Variants in KIAA2012 observed in about 807,000 individuals in gnomAD.
KIAA2012 encodes the protein KIAA2012.
A neutral mutation model predicts 150.6 loss-of-function variants in KIAA2012; 125 were observed. The ratio of observed to expected loss-of-function variants is 0.83; its 90% CI spans 0.72 to 0.96. The LOEUF (loss-of-function observed/expected upper bound fraction) is 0.96, where lower values mean the gene tolerates loss of function less well. KIAA2012 is among the 40% of genes least tolerant of loss of function. The pLI, the probability that KIAA2012 is intolerant of heterozygous loss-of-function variation, is 0.00. For missense variants in KIAA2012, 1,219 were observed against 1,354.9 expected (o/e 0.90, Z 1.57); for synonymous variants, 462 against 504.7 (o/e 0.92, Z 1.13).
intron 4 of KIAA2012, among the ~76,000 whole-genome samples, chr2:202,094,692 T>G (rs1365774573): frequency 6.6e-6 from 1 of 152,054 alleles, no homozygotes; most frequent in Non-Finnish European, 1.5e-5. Flanking sequence ...CTAATTTTTG[T>G]ATTTTTTGTA....
At chr2:202,083,932 G>A (rs1437458763) in intron 2 of KIAA2012, among the ~76,000 whole-genome samples, 9 of 152,158 alleles carry the variant, frequency 5.9e-5, no homozygotes, top group Admixed American at 2.6e-4. Flanking sequence ...AATCTAGAGT[G>A]GCTTCTTGGA....
At chr2:202,135,121 A>T (rs1691033796) in intron 12 of KIAA2012, among the ~76,000 whole-genome samples, 1 of 152,228 alleles carries the variant, frequency 6.6e-6, no homozygotes, top group Non-Finnish European at 1.5e-5. Flanking sequence ...CCTCACTAAA[A>T]GCCTGTGGTT....
chr2:202,130,856 G>A (rs188778485), intron 12 of KIAA2012, among the ~76,000 whole-genome samples: 2,163 of 152,220 alleles, frequency 0.014, 23 homozygotes, highest in Middle Eastern at 0.034. Flanking sequence ...GGCAGAGGTT[G>A]CAGTGAGCCA....
chr2:202,103,177 T>C, intron 8 of KIAA2012, 63 bp downstream of exon 8: 1 of 1,446,816 alleles, frequency 6.9e-7, no homozygotes, highest in Non-Finnish European at 9.3e-7. Context: ...CTGCCACTTC[T>C]ACATGCTCCT....
At chr2:202,137,201 G>T (rs544632307) in intron 12 of KIAA2012, 1 of 152,168 alleles carries the variant, frequency 6.6e-6, no homozygotes, top group South Asian at 2.1e-4. Context: ...AGTATGGAAA[G>T]AACTTTTTGT....
intron 15 of KIAA2012, among the ~76,000 whole-genome samples, chr2:202,169,559 C>T (rs1321707423): frequency 1.3e-5 from 2 of 152,200 alleles, no homozygotes; most frequent in Non-Finnish European, 2.9e-5. Context: ...CCCTCATTAA[C>T]CTGATAAGGC....
In KIAA2012 at chr2:202,196,940, G is replaced by A. The variant is rs1692426506; in HGVS notation, c.3328G>A (p.Glu1110Lys). The change falls in exon 22 of 24, where the codon GAG (glutamate) becomes AAG (lysine). Residue 1110 changes from glutamate (E) to lysine (K), a missense_variant. Transcript: ENST00000498697. ...AGAAGAGAAGGCTCGGCTGGAGGCA[G>A]AGGAGAGGAGGCAAAAAGAAGAGGA... ...EAEEKARLEA[E>K]ERRQKEEEAA... 1 of 1,550,678 alleles carries A rather than the reference G, an allele frequency of 6.4e-7. No individual in the cohort carries two copies. Among genetic ancestry groups the A allele is most frequent in the South Asian group, 1.2e-5 (1 of 84,056 alleles).
At chr2:202,081,608 C>T (rs1160874607) in intron 2 of KIAA2012, among the ~76,000 whole-genome samples, 4 of 146,898 alleles carry the variant, frequency 2.7e-5, no homozygotes, top group Non-Finnish European at 5.9e-5. Flanking sequence ...AGTGCAATGG[C>T]GCGATCTCAG....
intron 11 of KIAA2012, among the ~76,000 whole-genome samples, chr2:202,120,698 C>CT (rs773647005): frequency 3.9e-5 from 6 of 152,192 alleles, no homozygotes; most frequent in Admixed American, 6.5e-5. Context: ...TCCCTCACAT[C>CT]TTTTATCCTT....
At chr2:202,078,692 T>C (rs1689378946) in intron 2 of KIAA2012, among the ~76,000 whole-genome samples, 3 of 152,212 alleles carry the variant, frequency 2.0e-5, no homozygotes. Context: ...TTGCCACTAT[T>C]CTAAGTGCTT....
intron 13 of KIAA2012, among the ~76,000 whole-genome samples, chr2:202,146,065 C>T (rs1331104591): frequency 1.3e-5 from 2 of 152,178 alleles, no homozygotes; most frequent in Non-Finnish European, 2.9e-5. Context: ...CTCATCCTTA[C>T]AACATCCCCA....
At chr2:202,192,009 T>C (rs1159857213) in intron 19 of KIAA2012, among the ~76,000 whole-genome samples, 1 of 152,238 alleles carries the variant, frequency 6.6e-6, no homozygotes, top group Non-Finnish European at 1.5e-5. Flanking sequence ...TATTTACTTA[T>C]TTTATGGCTC....
At chr2:202,125,497 G>C (rs1690760860) in intron 12 of KIAA2012, among the ~76,000 whole-genome samples, 1 of 152,174 alleles carries the variant, frequency 6.6e-6, no homozygotes, top group Non-Finnish European at 1.5e-5. Flanking sequence ...ATATTAGTGA[G>C]GAAGAGACGT....
At chr2:202,154,216 T>G (rs907916623) in intron 13 of KIAA2012, among the ~76,000 whole-genome samples, 6 of 152,266 alleles carry the variant, frequency 3.9e-5, no homozygotes, top group African/African-American at 1.4e-4. Flanking sequence ...CCATATTTGC[T>G]GCAAAGCAGA....
In KIAA2012 at chr2:202,194,938, T is replaced by G. The variant is rs185724986; in HGVS notation, c.3187+576T>G. Among the ~76,000 whole-genome samples, 3 of 151,916 alleles carry G rather than the reference T, an allele frequency of 2.0e-5. No homozygotes were observed. In the East Asian group the frequency reaches 5.9e-4, roughly 30 times the overall value. On this transcript the variant is annotated intron_variant, in intron 21 of 23. Coordinates refer to ENST00000498697, the MANE Select transcript of KIAA2012 (RefSeq NM_001277372.4). Reference sequence around the variant, plus strand: ...CGCCCGCCACCATGCACAGATAATTTTTTGTATTTTTAGTAAAGATGGGGT... The same window carrying G: ...CGCCCGCCACCATGCACAGATAATTGTTTGTATTTTTAGTAAAGATGGGGT...
chr2:202,148,151 T>A (rs1262228174), intron 13 of KIAA2012, among the ~76,000 whole-genome samples: 1 of 152,224 alleles, frequency 6.6e-6, no homozygotes, highest in Non-Finnish European at 1.5e-5. Flanking sequence ...GTCCAGAGTT[T>A]CATTCAGAAT....
chr2:202,091,786 A>G (rs1026302908), intron 3 of KIAA2012, among the ~76,000 whole-genome samples: 2 of 152,206 alleles, frequency 1.3e-5, no homozygotes, highest in Non-Finnish European at 2.9e-5. Flanking sequence ...GCTGTTTGCC[A>G]TTTCTTCAGC....
Position 202,184,750 on chromosome 2 carries a change from C to G in KIAA2012, c.2120-3C>G. ...TTTATTGATTGATACTCTGTTTTCACAGACCCAGAGCCAAGGAGTATGACC... is the reference window on the plus strand; with the variant it reads ...TTTATTGATTGATACTCTGTTTTCAGAGACCCAGAGCCAAGGAGTATGACC... On this transcript the variant is annotated splice_region_variant and splice_polypyrimidine_tract_variant and intron_variant, in intron 15 of 23. Transcript: ENST00000498697. The G allele has an allele frequency of 6.5e-7, 1 of 1,527,470 alleles. No individual in the cohort carries two copies. The highest frequency in any genetic ancestry group is 8.8e-7 in the Non-Finnish European group (1 of 1,139,748). 94.6% of individuals were successfully genotyped at this position (1,527,470 alleles called of 1,614,324 possible). A position where few individuals can be genotyped will look rare whatever the true frequency, so the allele number is the denominator to read the frequency against.
chr2:202,191,213 G>T (rs942536438), intron 19 of KIAA2012, among the ~76,000 whole-genome samples: 30 of 151,538 alleles, frequency 2.0e-4, no homozygotes, highest in Non-Finnish European at 2.2e-4. Context: ...GGAGGCAGAG[G>T]TTGCAGTGAG....
Sources: allele counts gnomAD v4.1 joint callset (sites outside exome capture counted in the v4.1 genomes callset), GRCh38; gene constraint gnomAD v4.1.1; transcripts MANE v1.5; gene names NCBI Gene and HGNC (gene_info 2026-07-23, HGNC 2026-07-21).